The following ULK4 variants were observed in gnomAD, a reference collection of about 807,000 sequenced individuals.
ULK4 encodes the protein unc-51 like kinase 4, also known as inactive serine/threonine-protein kinase ULK4.
ULK4 carries 133 observed loss-of-function variants against 160.6 expected under a neutral mutation model. That is an observed-to-expected ratio of 0.83 (90% CI 0.72 to 0.96). The LOEUF is 0.96. ULK4 is among the 40% of genes least tolerant of loss of function. The pLI, the probability that ULK4 is intolerant of heterozygous loss-of-function variation, is 0.00. For missense variants in ULK4, 1,580 were observed against 1,499.5 expected (o/e 1.05, Z -0.89); for synonymous variants, 534 against 539.8 (o/e 0.99, Z 0.15).
intron 19 of ULK4, among the ~76,000 whole-genome samples, chr3:41,809,648 A>G (rs2040759455): frequency 6.6e-6 from 1 of 152,182 alleles, no homozygotes; most frequent in Non-Finnish European, 1.5e-5. Context: ...ATGAATTGAC[A>G]TGTCTCTTTG....
intron 36 of ULK4, among the ~76,000 whole-genome samples, chr3:41,249,277 C>T (rs1157037023): frequency 1.3e-5 from 2 of 152,190 alleles, no homozygotes; most frequent in African/African-American, 4.8e-5. Context: ...GATTCCTGTC[C>T]CCTCACTTTC....
chr3:41,774,182 A>C (rs1188943449), intron 21 of ULK4, among the ~76,000 whole-genome samples: 1 of 152,028 alleles, frequency 6.6e-6, no homozygotes, highest in Non-Finnish European at 1.5e-5. Flanking sequence ...CATGTCTAAA[A>C]CACCAAAAGC....
intron 27 of ULK4, among the ~76,000 whole-genome samples, chr3:41,690,904 T>A (rs984816144): frequency 2.0e-5 from 3 of 151,764 alleles, no homozygotes; most frequent in African/African-American, 4.8e-5. Context: ...CAGGCAGACA[T>A]GAGCAGGGCA....
chr3:41,571,539 T>C (rs1261699291), intron 31 of ULK4, among the ~76,000 whole-genome samples: 2 of 152,196 alleles, frequency 1.3e-5, no homozygotes, highest in African/African-American at 4.8e-5. Flanking sequence ...GAGAGGAATA[T>C]ATGAAAAGAG....
chr3:41,738,542 G>A (rs547325699), intron 22 of ULK4, among the ~76,000 whole-genome samples: 4 of 151,930 alleles, frequency 2.6e-5, no homozygotes, highest in Non-Finnish European at 4.4e-5. Context: ...AAGCTGGTTG[G>A]ACCTCAGGAA....
At chr3:41,335,823 C>T (rs780962209) in intron 35 of ULK4, among the ~76,000 whole-genome samples, 1 of 152,078 alleles carries the variant, frequency 6.6e-6, no homozygotes, top group African/African-American at 2.4e-5. Context: ...GAGTCCATCC[C>T]AAGCCTCTAA....
chr3:41,417,308 AC>A (rs1255466330), intron 34 of ULK4, among the ~76,000 whole-genome samples: 1 of 152,052 alleles, frequency 6.6e-6, no homozygotes, highest in African/African-American at 2.4e-5. Context: ...CATCAGTGAA[AC>A]TCTCAGGGAA....
At chr3:41,412,021 G>C (rs191606005) in intron 34 of ULK4, among the ~76,000 whole-genome samples, 4 of 152,128 alleles carry the variant, frequency 2.6e-5, no homozygotes, top group Admixed American at 1.3e-4. Context: ...CTTTATTTGC[G>C]TAAGTCTGAT....
chr3:41,636,943 CTTTA>C lies in ULK4; in HGVS notation c.3072-21230_3072-21227del, dbSNP rs533884089. On this transcript the variant is annotated intron_variant, in intron 30 of 36. Coordinates refer to ENST00000301831, the MANE Select transcript of ULK4 (RefSeq NM_017886.4). ...TCACAAAGGACACACTAATCTGAAC[CTTTA>C]TTTATTAATCTTAATTTTAAAATGT... 5.3e-5 allele frequency among the ~76,000 whole-genome samples: 8 copies of C among 152,032 alleles called. No individual in the cohort carries two copies. In the South Asian group the frequency reaches 8.3e-4, roughly 16 times the overall value.
At chr3:41,319,253 G>A (rs2080204219) in intron 35 of ULK4, among the ~76,000 whole-genome samples, 1 of 152,088 alleles carries the variant, frequency 6.6e-6, no homozygotes, top group Non-Finnish European at 1.5e-5. Context: ...GTACAATGAA[G>A]TGCTTGTGAC....
At chr3:41,325,975 T>C (rs1455694000) in intron 35 of ULK4, among the ~76,000 whole-genome samples, 1 of 152,096 alleles carries the variant, frequency 6.6e-6, no homozygotes, top group African/African-American at 2.4e-5. Flanking sequence ...TATATGTATA[T>C]GAATGCATGT....
chr3:41,485,121 G>A (rs936166537), intron 32 of ULK4, among the ~76,000 whole-genome samples: 1 of 152,168 alleles, frequency 6.6e-6, no homozygotes, highest in Non-Finnish European at 1.5e-5. Context: ...CCATTTCACA[G>A]ATGACGAAAC....
chr3:41,678,399 T>C (rs1273959409), intron 29 of ULK4, among the ~76,000 whole-genome samples: 12 of 152,148 alleles, frequency 7.9e-5, no homozygotes, highest in South Asian at 2.1e-4. Context: ...CCAGAAGTAT[T>C]AGAAAAGACA....
chr3:41,322,699 T>G (rs1157366461), intron 35 of ULK4, among the ~76,000 whole-genome samples: 1 of 152,220 alleles, frequency 6.6e-6, no homozygotes, highest in Admixed American at 6.5e-5. Flanking sequence ...CCAAGCTATT[T>G]AATGCTCAGC....
At chr3:41,427,090 G>A (rs970352945) in intron 34 of ULK4, among the ~76,000 whole-genome samples, 4 of 152,110 alleles carry the variant, frequency 2.6e-5, no homozygotes, top group Admixed American at 2.6e-4. Flanking sequence ...TATCACCACT[G>A]ACCCTAAAGA....
At chr3:41,531,153 A>G (rs2086295311) in intron 32 of ULK4, among the ~76,000 whole-genome samples, 1 of 147,118 alleles carries the variant, frequency 6.8e-6, no homozygotes, top group Non-Finnish European at 1.5e-5. Context: ...AGAAATAAAT[A>G]TGTTTTGGGC....
chr3:41,754,338 G>C, intron 22 of ULK4, 23 bp downstream of exon 22: 1 of 1,603,580 alleles, frequency 6.2e-7, no homozygotes, highest in South Asian at 1.1e-5. Flanking sequence ...AGTTACTGAT[G>C]AAACCATCAG....
Position 41,469,602 on chromosome 3 carries a change from C to CAAAAA in ULK4, c.3227-6354_3227-6350dup, listed in dbSNP as rs71616008. ...TGAAAGAGTGAAGGCCTACACCTGC[C>CAAAAA]AAAAAAAAAAAAAAAAAAAAAAAAA... On this transcript the variant is annotated intron_variant, in intron 32 of 36. Transcript: ENST00000301831. Among the ~76,000 whole-genome samples, 62 of 11,304 alleles carry CAAAAA rather than the reference C, an allele frequency of 5.5e-3. 4 individuals are homozygous for CAAAAA. Among genetic ancestry groups the CAAAAA allele is most frequent in the African/African-American group, 0.017 (53 of 3,152 alleles). The allele number at this position is 11,304 out of a possible 152,430, so 7.4% of individuals were successfully genotyped here. A position where few individuals can be genotyped will look rare whatever the true frequency, so the allele number is the denominator to read the frequency against.
intron 1 of ULK4, among the ~76,000 whole-genome samples, chr3:41,955,963 G>A (rs911224564): frequency 2.6e-5 from 4 of 152,184 alleles, no homozygotes; most frequent in Non-Finnish European, 5.9e-5. Flanking sequence ...ATGTGAGGCA[G>A]GAGAACAGGG....
Sources: gnomAD v4.1 joint callset for allele counts (sites outside exome capture counted in the v4.1 genomes callset) on GRCh38, gnomAD v4.1.1 for gene constraint, MANE v1.5 for transcripts, NCBI Gene and HGNC (gene_info 2026-07-23, HGNC 2026-07-21) for gene names.